The following HJURP variants were observed in gnomAD, a reference collection of about 807,000 sequenced individuals.
HJURP encodes the protein Holliday junction recognition protein.
A neutral mutation model predicts 72.0 loss-of-function variants in HJURP; 49 were observed. The observed-to-expected ratio is 0.68, with a 90% CI of 0.54 to 0.86. The LOEUF (loss-of-function observed/expected upper bound fraction) is 0.86. Ranked by LOEUF, HJURP falls within the 40% of genes least tolerant of loss-of-function variation. The pLI is 0.00. For synonymous variants in HJURP, 357 were observed against 347.1 expected (o/e 1.03, Z -0.32); for missense variants, 908 against 936.3 (o/e 0.97, Z 0.39).
At chr2:233,852,421 A>C in intron 3 of HJURP, 144 bp downstream of exon 3, 1 of 616,772 alleles carries the variant, frequency 1.6e-6, no homozygotes, top group Non-Finnish European at 2.9e-6. Flanking sequence ...TAAATCCTTA[A>C]AAACAGAAAG....
At chr2:233,853,737 A>G in intron 2 of HJURP, 107 bp downstream of exon 2, 1 of 883,254 alleles carries the variant, frequency 1.1e-6, no homozygotes, top group Non-Finnish European at 1.8e-6. Context: ...TTTGGTTCCT[A>G]TTAGTTAGGT....
rs149939701 is a variant in HJURP, at chr2:233,841,552, A to G, written c.1228T>C (p.Leu410=). ...GAAACTATTTTTACAGGAGAAATTA[A>G]CCATTTTAATGTCCTAAATCTATTT... is the stretch of plus-strand genomic sequence containing the variant. ...EENRFRTLKW[L]ISPVKIVSRP... is the part of the protein sequence containing the mutation. Residue 410 remains leucine (L), a synonymous_variant, in exon 8 of 9, where the codon TTA becomes CTA. Transcript: ENST00000411486. 457 of 1,614,086 alleles carry G rather than the reference A, an allele frequency of 2.8e-4. 3 individuals are homozygous for G. The African/African-American group carries it at 5.4e-3, about 19-fold the overall frequency.
chr2:233,841,677 T>A lies in HJURP; in HGVS notation c.1103A>T (p.His368Leu). Residue 368 changes from histidine (H) to leucine (L), a missense_variant, in exon 8 of 9, where the codon CAT becomes CTT. Coordinates refer to ENST00000411486, the MANE Select transcript of HJURP (RefSeq NM_018410.5). Reference sequence around the variant, plus strand: ...CTCCTTCCAACTTGGATCTAACTTATGGATTTGGGGTCTGTTGACTTCAAG... The same window carrying A: ...CTCCTTCCAACTTGGATCTAACTTAAGGATTTGGGGTCTGTTGACTTCAAG... The part of the protein sequence containing the change: ...AFLEVNRPQI[H>L]KLDPSWKERK... 6.2e-7 allele frequency: 1 copy of A among 1,614,220 alleles called. No homozygotes were observed.
chr2:233,845,692 A>G (rs1705345148), intron 6 of HJURP, 36 bp downstream of exon 6: 1 of 1,332,174 alleles, frequency 7.5e-7, no homozygotes, highest in East Asian at 2.3e-5. Flanking sequence ...TTTATGATCT[A>G]ATTATATAAA....
chr2:233,841,346 C>T lies in HJURP; in HGVS notation c.1434G>A (p.Gln478=). The change falls in exon 8 of 9, where the codon CAG becomes CAA. Residue 478 remains glutamine, a synonymous_variant. Coordinates refer to ENST00000411486, the MANE Select transcript of HJURP (RefSeq NM_018410.5). ...AACTCAGCCTGCGGGTTTCTAAGCC[C>T]TGAAGGCCACCAGGACTCGCAGGAC... is the stretch of plus-strand genomic sequence containing the variant. ...RGGPASPGGL[Q]GLETRRLSLP... 6.2e-7 allele frequency: 1 copy of T among 1,614,142 alleles called. No homozygotes were observed. Among genetic ancestry groups the T allele is most frequent in the Non-Finnish European group, 8.5e-7 (1 of 1,180,024 alleles).
chr2:233,852,739 G>C (rs530879965), intron 2 of HJURP, 119 bp from the exon 3 acceptor site: 1 of 697,696 alleles, frequency 1.4e-6, no homozygotes, highest in Admixed American at 2.8e-5. Flanking sequence ...TTAAAACCAA[G>C]CCAGGTTTCT....
rs1705553448 is a variant in HJURP, at chr2:233,853,906, T to C, written c.122A>G (p.Asn41Ser). The C allele has an allele frequency of 1.2e-6, 2 of 1,613,956 alleles. No individual in the cohort carries two copies. Among genetic ancestry groups the C allele is most frequent in the Non-Finnish European group, 8.5e-7 (1 of 1,179,886 alleles). ...CACCGGGGTGTCCTCGAAGGGCTGGTTGTACTGCGGAGGAGGAAGGGGCTT... is the reference window on the plus strand; with the variant it reads ...CACCGGGGTGTCCTCGAAGGGCTGGCTGTACTGCGGAGGAGGAAGGGGCTT... ...RRMQRLIEKY[N>S]QPFEDTPVVQ... The change falls in exon 2 of 9, where the codon AAC becomes AGC. Residue 41 changes from asparagine to serine, a missense_variant. Asn to Ser is a conservative substitution (Grantham distance 46, BLOSUM62 1). Around this residue, in one of 3 missense-constraint regions of HJURP, gnomAD observed 299 missense variants for 286.7 expected, o/e 1.04. Transcript: ENST00000411486.
chr2:233,837,267 TAGAG>T lies in HJURP; in HGVS notation c.*306_*309del, dbSNP rs931002279. On this transcript the variant is annotated 3_prime_UTR_variant, in exon 9 of 9. Transcript: ENST00000411486. ...TGCCACCGCACTCCAGCCTGGGCGA[TAGAG>T]AGAGACTGTCTCAAAAACAAACAAA... is the stretch of plus-strand genomic sequence containing the variant. The T allele has an allele frequency of 3.2e-4, 106 of 326,884 alleles. No homozygotes were observed. Among genetic ancestry groups the T allele is most frequent in the Admixed American group, 1.1e-3 (21 of 19,814 alleles). The allele number at this position is 326,884 out of a possible 1,614,324, so 20.2% of individuals were successfully genotyped here.
intron 1 of HJURP, among the ~76,000 whole-genome samples, chr2:233,854,170 C>T (rs1290038739): frequency 6.6e-6 from 1 of 152,022 alleles, no homozygotes; most frequent in East Asian, 1.9e-4. Flanking sequence ...CTTTCCTCCC[C>T]GTCCCCGCAC....
rs1031933031 is a variant in HJURP at position 233,842,108 on chromosome 2, G to A, written c.672C>T (p.Asp224=). ...EWDPLHPSST[D]MALVPRNDSL... is the part of the protein sequence containing the mutation. ...TGTCATTTCTAGGTACTAAGGCCATGTCTGTGGAGGAAGGATGCAAAGGAT... is the reference window on the plus strand; with the variant it reads ...TGTCATTTCTAGGTACTAAGGCCATATCTGTGGAGGAAGGATGCAAAGGAT... Residue 224 remains aspartate, a synonymous_variant, in exon 8 of 9, where the codon GAC becomes GAT. Transcript: ENST00000411486. The A allele has an allele frequency of 1.2e-6, 2 of 1,614,204 alleles. No individual in the cohort carries two copies. Among genetic ancestry groups the A allele is most frequent in the Non-Finnish European group, 1.7e-6 (2 of 1,180,002 alleles).
Position 233,846,987 on chromosome 2 carries a change from G to A in HJURP, c.402+410C>T, listed in dbSNP as rs551705091. On this transcript the variant is annotated intron_variant, in intron 5 of 8. Transcript: ENST00000411486. The surrounding 1 kb of genome is among the most constrained non-coding windows in gnomAD (Gnocchi z 4.3). ...CCCAATGAGGCGACCTTGTGACTTG[G>A]GGCATTTGAGGACAGACCTGGAAAT... is the stretch of plus-strand genomic sequence containing the variant. 6.6e-6 allele frequency among the ~76,000 whole-genome samples: 1 copy of A among 152,118 alleles called. No individual in the cohort carries two copies. The highest frequency in any genetic ancestry group is 1.9e-4 in the East Asian group (1 of 5,184).
At chr2:233,842,854 T>A (rs540453638) in intron 7 of HJURP, among the ~76,000 whole-genome samples, 1 of 152,190 alleles carries the variant, frequency 6.6e-6, no homozygotes, top group Non-Finnish European at 1.5e-5. Flanking sequence ...TGAGCACGTG[T>A]TAACTCACTG....
rs552712349 is a variant in HJURP, at chr2:233,837,321, C to A, written c.*256G>T. 127 of 330,456 alleles carry A rather than the reference C, an allele frequency of 3.8e-4. 3 individuals carry two copies. In the South Asian group the frequency reaches 5.3e-3, roughly 14 times the overall value. The allele number at this position is 330,456 out of a possible 1,614,324, so 20.5% of individuals were successfully genotyped here. ...ACAAACAAACAAACAAACAAATAAC[C>A]CCCCCCCAAAAAAAACACACACATC... On this transcript the variant is annotated 3_prime_UTR_variant, in exon 9 of 9. Transcript: ENST00000411486.
chr2:233,851,181 A>G (rs534990059), intron 3 of HJURP, among the ~76,000 whole-genome samples: 1 of 152,378 alleles, frequency 6.6e-6, no homozygotes, highest in South Asian at 2.1e-4. Context: ...GCACTGGTCT[A>G]ATGAGTGGAC....
At chr2:233,845,913 C>G in intron 5 of HJURP, 93 bp from the exon 6 acceptor site, 1 of 764,700 alleles carries the variant, frequency 1.3e-6, no homozygotes. Context: ...CATTAATGTA[C>G]AAATCTTTAC....
Position 233,849,864 on chromosome 2 carries a change from A to T in HJURP, c.241-5T>A, listed in dbSNP as rs1355482690. 6.5e-7 allele frequency: 1 copy of T among 1,528,504 alleles called. No homozygotes were observed. Among genetic ancestry groups the T allele is most frequent in the Non-Finnish European group, 8.9e-7 (1 of 1,126,668 alleles). 94.7% of individuals were successfully genotyped at this position (1,528,504 alleles called of 1,614,324 possible). A position where few individuals can be genotyped will look rare whatever the true frequency, so the allele number is the denominator to read the frequency against. ...CGCGGGCTTCATGGAGGAGTCCTCC[A>T]AGTGCAGAAGCCAATAAAAACATGG... On this transcript the variant is annotated splice_region_variant and splice_polypyrimidine_tract_variant and intron_variant, in intron 3 of 8. Coordinates refer to ENST00000411486, the MANE Select transcript of HJURP (RefSeq NM_018410.5).
intron 3 of HJURP, among the ~76,000 whole-genome samples, chr2:233,852,338 C>T (rs1705513680): frequency 6.6e-6 from 1 of 152,208 alleles, no homozygotes; most frequent in African/African-American, 2.4e-5. Flanking sequence ...ACACAGGAAA[C>T]ACAGGGTGAT....
chr2:233,844,409 T>G (rs1184403258), intron 6 of HJURP, 126 bp from the exon 7 acceptor site: 8 of 728,216 alleles, frequency 1.1e-5, no homozygotes, highest in Admixed American at 8.2e-5. Flanking sequence ...AGCGTGTGAA[T>G]GTGGTGACAG....
intron 7 of HJURP, among the ~76,000 whole-genome samples, chr2:233,843,795 C>G (rs1265178442): frequency 1.3e-5 from 2 of 152,134 alleles, no homozygotes; most frequent in African/African-American, 2.4e-5. Context: ...GGAGAATTAG[C>G]CGATTTTTGG....
Sources: gnomAD v4.1 joint callset for allele counts (sites outside exome capture counted in the v4.1 genomes callset) on GRCh38, gnomAD v4.1.1 for gene constraint, gnomAD v4.1.1 regional missense constraint, Gnocchi (gnomAD v3.1) non-coding constraint, MANE v1.5 for transcripts, NCBI Gene and HGNC (gene_info 2026-07-23, HGNC 2026-07-21) for gene names.